Variants in KRT8 observed in about 807,000 individuals in gnomAD.
KRT8 encodes the protein keratin, type II cytoskeletal 8.
In KRT8, 24 loss-of-function variants were observed where a neutral mutation model predicts 43.0. The observed-to-expected ratio is 0.56, with a 90% CI of 0.40 to 0.78. The LOEUF is 0.78. Among genes scored for constraint, KRT8 ranks in the 30% least tolerant of loss-of-function variants. The probability of loss-of-function intolerance (pLI) is 0.00; values close to 1 mark genes in which losing one functional copy is unlikely to be tolerated. For synonymous variants in KRT8, 214 were observed against 261.2 expected, an observed-to-expected ratio of 0.82 and a Z score of 1.74; for missense variants, 492 against 638.4, an observed-to-expected ratio of 0.77 and a Z score of 2.47.
exon 4 of KRT8, chr12:52,900,608 G>A (rs1029892506): frequency 6.2e-6 from 10 of 1,611,414 alleles, no homozygotes; most frequent in Non-Finnish European, 7.6e-6. Context: ...AGCTGCCTGA[G>A]GAAGTTGATC....
intron 2 of KRT8, chr12:52,949,066 C>G: frequency 9.4e-7 from 1 of 1,068,690 alleles, no homozygotes; most frequent in Non-Finnish European, 1.4e-6. Flanking sequence ...GGCTCCGGGG[C>G]GGGGGCGGGG....
intron 4 of KRT8, among the ~76,000 whole-genome samples, 188 bp from the exon 5 acceptor site, chr12:52,900,253 G>A (rs117174905): frequency 6.6e-6 from 1 of 152,104 alleles, no homozygotes; most frequent in African/African-American, 2.4e-5. Context: ...TGCACAGAGG[G>A]ATCCAATGCA....
intron 2 of KRT8, among the ~76,000 whole-genome samples, chr12:52,940,232 C>T (rs1346548798): frequency 6.6e-6 from 1 of 151,874 alleles, no homozygotes; most frequent in East Asian, 1.9e-4. Context: ...AGGTGTTTGA[C>T]ACCAGCCTGG....
At chr12:52,913,080 T>C (rs1941666822) in intron 2 of KRT8, among the ~76,000 whole-genome samples, 1 of 152,170 alleles carries the variant, frequency 6.6e-6, no homozygotes, top group Non-Finnish European at 1.5e-5. Flanking sequence ...TCATCAGACC[T>C]GGAAGCCATA....
upstream of KRT8, chr12:52,905,202 G>A: frequency 2.6e-6 from 2 of 768,452 alleles, no homozygotes; most frequent in East Asian, 2.7e-5. Context: ...ACTCAGGTGG[G>A]GGCAGCAGAG....
At chr12:52,898,653 G>T (rs1189733239) in intron 6 of KRT8, 26 bp downstream of exon 6, 1 of 1,613,988 alleles carries the variant, frequency 6.2e-7, no homozygotes, top group Non-Finnish European at 8.5e-7. Flanking sequence ...AGGGAAGCAG[G>T]TCCGGTCAGA....
chr12:52,938,745 G>A (rs1942220086), intron 2 of KRT8, among the ~76,000 whole-genome samples: 1 of 152,092 alleles, frequency 6.6e-6, no homozygotes, highest in Non-Finnish European at 1.5e-5. Context: ...AGCCTCCCGA[G>A]GACCTGGGAC....
At position 52,904,649 on chromosome 12, in the gene KRT8, G is replaced by T. The variant is rs766556441; in HGVS notation, c.324+9C>A. The T allele has an allele frequency of 1.2e-6, 2 of 1,611,706 alleles. No individual in the cohort carries two copies. Among genetic ancestry groups the T allele is most frequent in the African/African-American group, 2.7e-5 (2 of 74,860 alleles). ...CGGGCACAGTCAGCCACGCAGGGGGGACCCTCACCTTGTCTATGAAGGAGG... is the reference window on the plus strand; with the variant it reads ...CGGGCACAGTCAGCCACGCAGGGGGTACCCTCACCTTGTCTATGAAGGAGG... On this transcript the variant is annotated intron_variant, in intron 1 of 7. Transcript: ENST00000692008.
chr12:52,935,355 G>A (rs763679697), intron 2 of KRT8, among the ~76,000 whole-genome samples: 5 of 125,228 alleles, frequency 4.0e-5, no homozygotes, highest in Non-Finnish European at 6.3e-5. Context: ...CTCCAGCCTG[G>A]GTGACAGAGC....
At chr12:52,906,664 G>A (rs758969504), upstream of KRT8, 77 of 455,578 alleles carry the variant, frequency 1.7e-4, no homozygotes, top group Middle Eastern at 6.5e-4. Flanking sequence ...GCTGGGGCTG[G>A]GTTCTCTGGA....
chr12:52,906,382 T>G, upstream of KRT8: 2 of 259,658 alleles, frequency 7.7e-6, no homozygotes, highest in South Asian at 4.1e-5. Flanking sequence ...AGTGGAGTGG[T>G]GTGGCACTCG....
chr12:52,908,444 G>A (rs1941567742), upstream of KRT8, among the ~76,000 whole-genome samples: 1 of 152,198 alleles, frequency 6.6e-6, no homozygotes, highest in African/African-American at 2.4e-5. Context: ...TTTCTTTAAT[G>A]TGGCATATCC....
intron 1 of KRT8, 38 bp downstream of exon 1, chr12:52,904,620 G>A (rs1941464677): frequency 6.3e-7 from 1 of 1,576,298 alleles, no homozygotes; most frequent in Non-Finnish European, 8.7e-7. Context: ...GGAGAAAGGG[G>A]CTGCGGGCAC....
chr12:52,942,353 G>C (rs1372583686), intron 2 of KRT8, among the ~76,000 whole-genome samples: 1 of 152,206 alleles, frequency 6.6e-6, no homozygotes, highest in Admixed American at 6.5e-5. Context: ...AACAAGCAGA[G>C]CTGGGATTCA....
intron 2 of KRT8, among the ~76,000 whole-genome samples, chr12:52,932,738 A>G (rs911620280): frequency 3.3e-5 from 5 of 152,024 alleles, no homozygotes; most frequent in African/African-American, 1.2e-4. Flanking sequence ...CAGGAGTTCA[A>G]GGCTTCAGTG....
At chr12:52,899,074 G>C in intron 5 of KRT8, 175 bp from the exon 6 acceptor site, 1 of 645,214 alleles carries the variant, frequency 1.5e-6, no homozygotes, top group Non-Finnish European at 2.8e-6. Flanking sequence ...CAGCACTTTG[G>C]GAGGCCGAGG....
rs1941359189 is a variant in KRT8, at chr12:52,901,136, TAGG to T, written c.594+20_594+22del. The T allele has an allele frequency of 6.4e-7, 1 of 1,558,506 alleles. No homozygotes were observed. The highest frequency in any genetic ancestry group is 1.7e-5 in the Admixed American group (1 of 59,958). Reference sequence around the variant, plus strand: ...TGAGCCCCAGCCTCCAGTGTCCAGATAGGAGAAGGGAGACTCCCTCACCTTCTT... The same window carrying T: ...TGAGCCCCAGCCTCCAGTGTCCAGATAGAAGGGAGACTCCCTCACCTTCTT... On this transcript the variant is annotated intron_variant, in intron 3 of 7. Coordinates refer to ENST00000692008, the Ensembl canonical transcript of KRT8.
intron 2 of KRT8, chr12:52,947,535 C>G (rs1168185801): frequency 6.6e-6 from 1 of 152,074 alleles, no homozygotes; most frequent in Non-Finnish European, 1.5e-5. Flanking sequence ...GGCTGGAGCG[C>G]GACGGCACGA....
chr12:52,908,891 A>C (rs561758096), upstream of KRT8, among the ~76,000 whole-genome samples: 1 of 152,228 alleles, frequency 6.6e-6, no homozygotes, highest in Non-Finnish European at 1.5e-5. Flanking sequence ...CTGTAGTCCC[A>C]GCTGCCCTGG....
Sources: allele counts gnomAD v4.1 joint callset (sites outside exome capture counted in the v4.1 genomes callset), GRCh38; gene constraint gnomAD v4.1.1; transcripts MANE v1.5; gene names NCBI Gene and HGNC (gene_info 2026-07-23, HGNC 2026-07-21).